RBFOX1: variants seen among roughly 807,000 people sequenced by gnomAD.
RBFOX1 encodes RNA binding fox-1 homolog 1.
A neutral mutation model predicts 57.7 loss-of-function variants in RBFOX1; 8 were observed. That is an observed-to-expected ratio of 0.14 (90% CI 0.08 to 0.25). RBFOX1 has a LOEUF of 0.25. RBFOX1 is among the 10% of genes least tolerant of loss of function. The probability of loss-of-function intolerance (pLI) is 1.00; values close to 1 mark genes in which losing one functional copy is unlikely to be tolerated. For missense variants in RBFOX1, 611 were observed against 548.5 expected (o/e 1.11, Z -1.14); for synonymous variants, 326 against 222.4 (o/e 1.47, Z -4.15).
chr16:6,862,418 A>C (rs1199421592), intron 3 of RBFOX1, among the ~76,000 whole-genome samples: 1 of 152,262 alleles, frequency 6.6e-6, no homozygotes, highest in East Asian at 1.9e-4. Context: ...TCAAATAAAA[A>C]TCCTTTCATT....
At chr16:7,003,500 G>T (rs1033245720) in intron 3 of RBFOX1, among the ~76,000 whole-genome samples, 1 of 151,506 alleles carries the variant, frequency 6.6e-6, no homozygotes, top group Non-Finnish European at 1.5e-5. Flanking sequence ...GGAGTAGTTT[G>T]TGAAGCCCTG....
At chr16:5,604,273 T>C (rs1379364898), downstream of RBFOX1, among the ~76,000 whole-genome samples, 1 of 152,204 alleles carries the variant, frequency 6.6e-6, no homozygotes, top group Non-Finnish European at 1.5e-5. Flanking sequence ...ATTGCTTCGA[T>C]TGGTCATAGG....
chr16:6,364,915 C>T (rs986040455), intron 2 of RBFOX1, among the ~76,000 whole-genome samples: 11 of 152,150 alleles, frequency 7.2e-5, no homozygotes, highest in African/African-American at 2.2e-4. Flanking sequence ...GGTCCTTTTA[C>T]GATATTCACC....
chr16:5,394,172 C>T (rs980346014), intron 1 of RBFOX1, among the ~76,000 whole-genome samples: 11 of 152,066 alleles, frequency 7.2e-5, no homozygotes, highest in Non-Finnish European at 1.6e-4. Flanking sequence ...TATAGGCATG[C>T]ACTACCGTAC....
Position 7,160,589 on chromosome 16 carries a change from C to G in RBFOX1, c.27+108491C>G, listed in dbSNP as rs555802265. On this transcript the variant is annotated intron_variant, in intron 4 of 15. Coordinates refer to ENST00000550418, the MANE Select transcript of RBFOX1 (RefSeq NM_018723.4). ...GATTACCTGCAGTTAGCTGAAAAGT[C>G]GTAATACAAACAATTATTTTATGGC... Among the ~76,000 whole-genome samples, 7 of 152,186 alleles carry G rather than the reference C, an allele frequency of 4.6e-5. No homozygotes were observed. In the East Asian group the frequency reaches 1.4e-3, roughly 29 times the overall value.
intron 3 of RBFOX1, among the ~76,000 whole-genome samples, chr16:6,869,419 C>G (rs996142583): frequency 6.6e-6 from 1 of 151,756 alleles, no homozygotes; most frequent in Non-Finnish European, 1.5e-5. Flanking sequence ...CTGTTATTAA[C>G]CACTGTGGTA....
At chr16:5,519,341 T>A (rs2043921852) in intron 2 of RBFOX1, among the ~76,000 whole-genome samples, 1 of 152,212 alleles carries the variant, frequency 6.6e-6, no homozygotes, top group Non-Finnish European at 1.5e-5. Flanking sequence ...ACTAACCTTC[T>A]CTGAGATGGG....
At chr16:6,503,470 C>G (rs1011413477) in intron 2 of RBFOX1, among the ~76,000 whole-genome samples, 2 of 152,202 alleles carry the variant, frequency 1.3e-5, no homozygotes, top group African/African-American at 4.8e-5. Context: ...GGGCTGTGCT[C>G]AGCAGGACAT....
At chr16:6,438,637 C>G (rs2094299283) in intron 2 of RBFOX1, among the ~76,000 whole-genome samples, 1 of 152,004 alleles carries the variant, frequency 6.6e-6, no homozygotes, top group Admixed American at 6.6e-5. Context: ...TTATTTGAAC[C>G]CTCTGAGTTG....
chr16:5,350,657 G>A (rs1267124795), intron 1 of RBFOX1, among the ~76,000 whole-genome samples: 1 of 152,146 alleles, frequency 6.6e-6, no homozygotes, highest in Non-Finnish European at 1.5e-5. Flanking sequence ...CCTGAAGTCA[G>A]AAGTTTGAGA....
chr16:6,618,068 T>G (rs531828747), intron 2 of RBFOX1, among the ~76,000 whole-genome samples: 6 of 152,192 alleles, frequency 3.9e-5, no homozygotes, highest in Non-Finnish European at 7.3e-5. Context: ...TCCTTGTGTT[T>G]GTTTCTGCTG....
intron 1 of RBFOX1, among the ~76,000 whole-genome samples, chr16:5,465,159 A>G (rs928448536): frequency 9.2e-5 from 14 of 152,322 alleles, no homozygotes; most frequent in Middle Eastern, 3.4e-3. Flanking sequence ...TCTGGAGTCC[A>G]GAAGTCCAAG....
At chr16:5,803,742 A>G (rs1038521952) in intron 3 of RBFOX1, among the ~76,000 whole-genome samples, 1 of 152,294 alleles carries the variant, frequency 6.6e-6, no homozygotes, top group African/African-American at 2.4e-5. Flanking sequence ...AGGATGCATT[A>G]TCTACCTTCT....
intron 4 of RBFOX1, among the ~76,000 whole-genome samples, chr16:7,391,141 G>A (rs989212409): frequency 1.3e-5 from 2 of 152,160 alleles, no homozygotes; most frequent in African/African-American, 2.4e-5. Context: ...CCACTGGAAG[G>A]TTTTAGATAG....
chr16:6,721,766 G>T (rs950331182), intron 3 of RBFOX1: 1 of 152,024 alleles, frequency 6.6e-6, no homozygotes, highest in Non-Finnish European at 1.5e-5. Context: ...TTTTGACCCA[G>T]GCACTGGCCC....
At chr16:7,611,906 C>G (rs1371370201) in intron 10 of RBFOX1, among the ~76,000 whole-genome samples, 1 of 152,112 alleles carries the variant, frequency 6.6e-6, no homozygotes, top group Non-Finnish European at 1.5e-5. Context: ...TCAGCACATC[C>G]CATGACATAT....
At chr16:6,380,709 T>C (rs1381818782) in intron 2 of RBFOX1, among the ~76,000 whole-genome samples, 1 of 150,338 alleles carries the variant, frequency 6.7e-6, no homozygotes, top group African/African-American at 2.4e-5. Context: ...CAAAACCATT[T>C]CTGTAAAACA....
At chr16:6,119,797 G>T (rs973155382) in intron 1 of RBFOX1, among the ~76,000 whole-genome samples, 2 of 152,084 alleles carry the variant, frequency 1.3e-5, no homozygotes, top group African/African-American at 4.8e-5. Flanking sequence ...TCCATGTCTG[G>T]CCCCATTAAC....
At chr16:6,167,296 C>T (rs1170362463) in intron 1 of RBFOX1, among the ~76,000 whole-genome samples, 1 of 152,116 alleles carries the variant, frequency 6.6e-6, no homozygotes, top group South Asian at 2.1e-4. Flanking sequence ...TTGCACCTAC[C>T]CTTTGACGTA....
Sources: gnomAD v4.1 joint callset for allele counts (sites outside exome capture counted in the v4.1 genomes callset) on GRCh38, gnomAD v4.1.1 for gene constraint, MANE v1.5 for transcripts, NCBI Gene and HGNC (gene_info 2026-07-23, HGNC 2026-07-21) for gene names.